CNBD1: variants seen among roughly 807,000 people sequenced by gnomAD.
CNBD1 encodes the protein cyclic nucleotide binding domain containing 1, also known as cyclic nucleotide-binding domain-containing protein 1.
CNBD1 carries 71 observed loss-of-function variants against 54.4 expected under a neutral mutation model. That is an observed-to-expected ratio of 1.30 (90% CI 1.08 to 1.59). The LOEUF is 1.59. Ranked by LOEUF, CNBD1 falls within the 40% of genes most tolerant of loss-of-function variation. CNBD1 has a pLI of 0.00. For synonymous variants in CNBD1, 182 were observed against 170.7 expected, an observed-to-expected ratio of 1.07 and a Z score of -0.51; for missense variants, 659 against 518.0, an observed-to-expected ratio of 1.27 and a Z score of -2.64.
chr8:86,922,876 A>G (rs1257665709), intron 3 of CNBD1, among the ~76,000 whole-genome samples: 1 of 152,158 alleles, frequency 6.6e-6, no homozygotes, highest in African/African-American at 2.4e-5. Flanking sequence ...GAGGACAGGA[A>G]GGAAGCAAGA....
In CNBD1 at chr8:87,321,607, A is replaced by G. The variant is rs1346102868; in HGVS notation, c.1043-30078A>G. Among the ~76,000 whole-genome samples the G allele has an allele frequency of 3.9e-5, 6 of 152,236 alleles. No homozygotes were observed. The South Asian group carries it at 1.0e-3, about 26-fold the overall frequency. On this transcript the variant is annotated intron_variant, in intron 8 of 10. Coordinates refer to ENST00000518476, the MANE Select transcript of CNBD1 (RefSeq NM_173538.3). Reference sequence around the variant, plus strand: ...TGAATATTAACCATTTATCAGGTATATAGTCTGCAAATATTTTCTCTCATT... The same window carrying G: ...TGAATATTAACCATTTATCAGGTATGTAGTCTGCAAATATTTTCTCTCATT...
chr8:86,997,897 A>G (rs1341428919), intron 4 of CNBD1, among the ~76,000 whole-genome samples: 2 of 152,152 alleles, frequency 1.3e-5, no homozygotes, highest in African/African-American at 4.8e-5. Flanking sequence ...AGCTCCCACT[A>G]TGTGCAGCTC....
intron 5 of CNBD1, among the ~76,000 whole-genome samples, chr8:87,229,077 T>C (rs1814595516): frequency 6.6e-6 from 1 of 152,224 alleles, no homozygotes; most frequent in Non-Finnish European, 1.5e-5. Flanking sequence ...TTGTGCTTCC[T>C]CAGTGAGGCA....
chr8:86,956,242 T>A (rs1807765878), intron 4 of CNBD1, among the ~76,000 whole-genome samples: 3 of 152,160 alleles, frequency 2.0e-5, no homozygotes, highest in Admixed American at 2.0e-4. Context: ...AGCCTTGTAG[T>A]ATAGTTTGAA....
intron 2 of CNBD1, among the ~76,000 whole-genome samples, chr8:86,900,644 C>G (rs1442763498): frequency 4.6e-5 from 7 of 151,978 alleles, no homozygotes; most frequent in African/African-American, 1.7e-4. Context: ...GCTACTATAA[C>G]AATCCTAAAG....
intron 6 of CNBD1, among the ~76,000 whole-genome samples, chr8:87,237,907 A>G (rs954053415): frequency 6.6e-6 from 1 of 152,176 alleles, no homozygotes; most frequent in Non-Finnish European, 1.5e-5. Context: ...TTCATCTCAC[A>G]TGAATGAATG....
chr8:87,425,916 G>C (rs1376704262), intron 2 of CNBD1, among the ~76,000 whole-genome samples: 2 of 152,084 alleles, frequency 1.3e-5, no homozygotes, highest in Non-Finnish European at 1.5e-5. Context: ...CCCTCCCCCA[G>C]CCTCACTGCT....
At chr8:87,379,511 C>T (rs927581229) in intron 10 of CNBD1, among the ~76,000 whole-genome samples, 1 of 151,752 alleles carries the variant, frequency 6.6e-6, no homozygotes, top group South Asian at 2.1e-4. Context: ...TGTAAAAGAA[C>T]AGAATTTATA....
At chr8:87,304,883 T>G (rs1420988850) in intron 8 of CNBD1, among the ~76,000 whole-genome samples, 1 of 152,008 alleles carries the variant, frequency 6.6e-6, no homozygotes, top group African/African-American at 2.4e-5. Flanking sequence ...ACCACTCCTC[T>G]TCAACATAGT....
chr8:86,891,305 G>A (rs1303127521), intron 2 of CNBD1, among the ~76,000 whole-genome samples: 2 of 151,950 alleles, frequency 1.3e-5, no homozygotes, highest in African/African-American at 4.8e-5. Flanking sequence ...CTTCTGCTGT[G>A]GATATCCAGT....
chr8:87,304,078 C>T (rs1449168124), intron 8 of CNBD1, among the ~76,000 whole-genome samples: 9 of 152,030 alleles, frequency 5.9e-5, no homozygotes, highest in Admixed American at 1.3e-4. Context: ...GTCAGTGTGG[C>T]GATTCCTCAG....
At chr8:86,907,134 A>C (rs2131810495) in intron 3 of CNBD1, among the ~76,000 whole-genome samples, 1 of 152,266 alleles carries the variant, frequency 6.6e-6, no homozygotes, top group African/African-American at 2.4e-5. Flanking sequence ...GTCACACATC[A>C]TGTAATAGGT....
rs1809393523 is a variant in CNBD1 at position 87,316,621 on chromosome 8, C to T, written c.1042+29950C>T. On this transcript the variant is annotated intron_variant, in intron 8 of 10. Transcript: ENST00000518476. ...TAGATGTACAATAATTTCTATTACACTTTTTTTTTGCAATAGGAAACAAGT... is the reference window on the plus strand; with the variant it reads ...TAGATGTACAATAATTTCTATTACATTTTTTTTTTGCAATAGGAAACAAGT... Among the ~76,000 whole-genome samples the T allele has an allele frequency of 3.3e-5, 5 of 150,642 alleles. No individual in the cohort carries two copies. In the South Asian group the frequency reaches 1.0e-3, roughly 31 times the overall value.
chr8:87,398,636 T>G (rs768955100), intron 2 of CNBD1, among the ~76,000 whole-genome samples: 12 of 152,036 alleles, frequency 7.9e-5, no homozygotes, highest in Non-Finnish European at 1.6e-4. Flanking sequence ...CATCCTCCTT[T>G]TATTATATTC....
chr8:87,208,759 T>G (rs763049463), intron 5 of CNBD1, among the ~76,000 whole-genome samples: 1 of 152,238 alleles, frequency 6.6e-6, no homozygotes, highest in South Asian at 2.1e-4. Flanking sequence ...TGTGTAGTCC[T>G]TTGTCTTACA....
intron 2 of CNBD1, among the ~76,000 whole-genome samples, chr8:87,406,860 T>G (rs545203293): frequency 7.6e-4 from 116 of 152,264 alleles, no homozygotes; most frequent in African/African-American, 2.6e-3. Flanking sequence ...GACTGAGAAC[T>G]AGGGTATAAA....
In CNBD1 at chr8:87,301,996, A is replaced by T. The variant is rs530728595; in HGVS notation, c.1042+15325A>T. ...GGCTCTGAAATTGAGGCAGTAATTA[A>T]TAGCTTACCAACCAAAAAAAGTCCA... On this transcript the variant is annotated intron_variant, in intron 8 of 10. Coordinates refer to ENST00000518476, the MANE Select transcript of CNBD1 (RefSeq NM_173538.3). Among the ~76,000 whole-genome samples, 124 of 152,314 alleles carry T rather than the reference A, an allele frequency of 8.1e-4. 1 individual carries two copies. Among genetic ancestry groups the T allele is most frequent in the Non-Finnish European group, 9.6e-4 (65 of 68,026 alleles).
intron 10 of CNBD1, among the ~76,000 whole-genome samples, chr8:87,367,954 G>A (rs1193135725): frequency 3.3e-5 from 5 of 151,978 alleles, no homozygotes; most frequent in Non-Finnish European, 7.4e-5. Context: ...GGTGGATCAC[G>A]AGGTCAGGAG....
intron 4 of CNBD1, among the ~76,000 whole-genome samples, chr8:86,948,398 C>T (rs538848462): frequency 6.6e-6 from 1 of 152,214 alleles, no homozygotes; most frequent in South Asian, 2.1e-4. Flanking sequence ...GTTCCCTTTT[C>T]TCCGCATCCT....
Sources: gnomAD v4.1 joint callset for allele counts (sites outside exome capture counted in the v4.1 genomes callset) on GRCh38, gnomAD v4.1.1 for gene constraint, MANE v1.5 for transcripts, NCBI Gene and HGNC (gene_info 2026-07-23, HGNC 2026-07-21) for gene names.